The following ABCD3 variants were observed in gnomAD, a reference collection of about 807,000 sequenced individuals.
ABCD3 encodes the protein ATP-binding cassette sub-family D member 3.
ABCD3 carries 41 observed loss-of-function variants against 105.5 expected under a neutral mutation model. The observed-to-expected ratio is 0.39, with a 90% CI of 0.30 to 0.50. ABCD3 has a LOEUF of 0.50. Ranked by LOEUF, ABCD3 falls within the 20% of genes least tolerant of loss-of-function variation. The pLI is 0.84. For synonymous variants in ABCD3, 258 were observed against 269.0 expected (o/e 0.96, Z 0.40); for missense variants, 622 against 806.3 (o/e 0.77, Z 2.77).
chr1:94,393,741 T>A, the ABCD3 span, among the ~76,000 whole-genome samples: 5 of 152,082 alleles, frequency 3.3e-5, no homozygotes, highest in Non-Finnish European at 7.4e-5. Flanking sequence ...TAAGAATAAT[T>A]TAAGTTTCAG....
At chr1:94,516,344 A>G (rs1346592661) in intron 22 of ABCD3, among the ~76,000 whole-genome samples, 3 of 152,004 alleles carry the variant, frequency 2.0e-5, no homozygotes, top group Non-Finnish European at 4.4e-5. Flanking sequence ...AGCTTTTATT[A>G]TTTTATGGCA....
At position 94,473,802 on chromosome 1, in the gene ABCD3, A is replaced by C; in HGVS notation, c.372A>C (p.Arg124Ser). 6.2e-7 allele frequency: 1 copy of C among 1,612,794 alleles called. No homozygotes were observed. Among genetic ancestry groups the C allele is most frequent in the Non-Finnish European group, 8.5e-7 (1 of 1,179,376 alleles). The change falls in exon 5 of 23, where the codon AGA becomes AGC. Residue 124 changes from arginine (R) to serine (S), a missense_variant. By Grantham distance (110) the Arg-to-Ser change is moderately radical. Transcript: ENST00000370214. The part of the protein sequence containing the change: ...IIGRSRKDFK[R>S]YLLNFIAAMP... The stretch of plus-strand genomic sequence containing the variant: ...GTCGTAGCAGGAAAGATTTCAAGAG[A>C]TACTTACTCAACTTCATCGCTGCCA...
chr1:94,453,704 CT>C lies in ABCD3; in HGVS notation c.111-4892del, dbSNP rs548416321. Among the ~76,000 whole-genome samples the C allele has an allele frequency of 3.5e-3, 503 of 142,506 alleles. 1 individual carries two copies. Among genetic ancestry groups the C allele is most frequent in the African/African-American group, 0.01 (396 of 38,966 alleles). 93.5% of individuals were successfully genotyped at this position (142,506 alleles called of 152,430 possible). On this transcript the variant is annotated intron_variant, in intron 1 of 22. Coordinates refer to ENST00000370214, the MANE Select transcript of ABCD3 (RefSeq NM_002858.4). ...AGAGTTGAGATAAGAAGTCTTTTAC[CT>C]TTTTTTTTTTCAAATTTTATCTATT... is the stretch of plus-strand genomic sequence containing the variant.
intron 1 of ABCD3, among the ~76,000 whole-genome samples, chr1:94,456,108 A>G (rs1647544657): frequency 6.6e-6 from 1 of 151,736 alleles, no homozygotes; most frequent in Non-Finnish European, 1.5e-5. Context: ...GCCCCTGACA[A>G]CCACCATTCT....
rs950089324 is a variant in ABCD3 at position 94,458,621 on chromosome 1, A to T, written c.125A>T (p.Lys42Ile). 2 of 1,612,976 alleles carry T rather than the reference A, an allele frequency of 1.2e-6. No homozygotes were observed. The highest frequency in any genetic ancestry group is 1.7e-4 in the Middle Eastern group (1 of 6,056). ...ALGLHGKKSG[K>I]PPLQNNEKEG... ...TTCCTCTGCAGTAAGAAAAGTGGAA[A>T]ACCACCATTACAGAACAATGAGGTA... The change falls in exon 2 of 23, where the codon AAA becomes ATA. Residue 42 changes from lysine (K) to isoleucine (I), a missense_variant. By Grantham distance (102) the Lys-to-Ile change is moderately radical. Around this residue, in one of 4 missense-constraint regions of ABCD3, gnomAD observed 89 missense variants for 77.5 expected, o/e 1.15. Coordinates refer to ENST00000370214, the MANE Select transcript of ABCD3 (RefSeq NM_002858.4).
chr1:94,443,648 A>C (rs1313892294), intron 1 of ABCD3, among the ~76,000 whole-genome samples: 15 of 152,042 alleles, frequency 9.9e-5, no homozygotes, highest in Admixed American at 9.8e-4. Flanking sequence ...ATCCATCTTG[A>C]GTTAATTTTT....
intron 21 of ABCD3, among the ~76,000 whole-genome samples, chr1:94,508,703 T>C (rs1017279549): frequency 6.6e-6 from 1 of 151,674 alleles, no homozygotes; most frequent in Non-Finnish European, 1.5e-5. Flanking sequence ...GAAGAGGTCC[T>C]TCACATCCCT....
At chr1:94,409,033 T>C in the ABCD3 span, among the ~76,000 whole-genome samples, 1 of 152,018 alleles carries the variant, frequency 6.6e-6, no homozygotes, top group Non-Finnish European at 1.5e-5. Context: ...TTAAGGCCTT[T>C]TTTCCTGGGG....
At chr1:94,456,849 A>G (rs764130522) in intron 1 of ABCD3, among the ~76,000 whole-genome samples, 2 of 152,078 alleles carry the variant, frequency 1.3e-5, no homozygotes, top group Non-Finnish European at 2.9e-5. Flanking sequence ...GGTTGTACTA[A>G]TTTATATTCT....
the ABCD3 span, among the ~76,000 whole-genome samples, chr1:94,403,118 A>G: frequency 6.6e-6 from 1 of 151,898 alleles, no homozygotes; most frequent in Admixed American, 6.6e-5. Flanking sequence ...CCATGTCCCT[A>G]CAAAGGACAT....
chr1:94,451,892 G>A (rs966709705), intron 1 of ABCD3, among the ~76,000 whole-genome samples: 4 of 152,180 alleles, frequency 2.6e-5, no homozygotes, highest in Non-Finnish European at 5.9e-5. Context: ...TCTTAAGTTT[G>A]TGGTCTTCTC....
At chr1:94,467,827 A>G (rs1648226731) in intron 3 of ABCD3, 92 bp from the exon 4 acceptor site, 3 of 822,308 alleles carry the variant, frequency 3.6e-6, no homozygotes, top group Non-Finnish European at 6.2e-6. Flanking sequence ...ATAAAGCTTT[A>G]GATTTGGAAA....
At chr1:94,429,432 G>C (rs553397286) in intron 1 of ABCD3, among the ~76,000 whole-genome samples, 1 of 152,298 alleles carries the variant, frequency 6.6e-6, no homozygotes, top group South Asian at 2.1e-4. Flanking sequence ...GCATATCAGA[G>C]ACCTTTGTGG....
At chr1:94,483,867 T>TG (rs1326483675) in intron 10 of ABCD3, among the ~76,000 whole-genome samples, 1 of 152,112 alleles carries the variant, frequency 6.6e-6, no homozygotes, top group Non-Finnish European at 1.5e-5. Flanking sequence ...ACCTACAGAA[T>TG]GGGAGAAATT....
chr1:94,390,166 T>C, the ABCD3 span, among the ~76,000 whole-genome samples: 2 of 152,248 alleles, frequency 1.3e-5, no homozygotes, highest in Non-Finnish European at 2.9e-5. Context: ...GTGGCAGACC[T>C]GATTTAAGCC....
chr1:94,416,789 G>A (rs1659035255), upstream of ABCD3, among the ~76,000 whole-genome samples: 1 of 152,140 alleles, frequency 6.6e-6, no homozygotes, highest in African/African-American at 2.4e-5. Context: ...GACCTGCCTT[G>A]TTTGACTGTA....
the ABCD3 span, among the ~76,000 whole-genome samples, chr1:94,403,223 T>A: frequency 8.5e-5 from 13 of 152,244 alleles, no homozygotes; most frequent in East Asian, 2.5e-3. Context: ...TTCCTCATGA[T>A]GAGATTCATA....
At position 94,487,936 on chromosome 1, in the gene ABCD3, T is replaced by G. The variant is rs762329662; in HGVS notation, c.1110T>G (p.Ala370=). The stretch of plus-strand genomic sequence containing the variant: ...GAATGCTTTTGCGAATGTCTCAAGC[T>G]CTGGGTCGAATAGTTTTGGCTGGGC... The part of the protein sequence containing the change: ...SGRMLLRMSQ[A]LGRIVLAGRE... Residue 370 remains alanine, a synonymous_variant, in exon 13 of 23, where the codon GCT becomes GCG. Transcript: ENST00000370214. 3.7e-6 allele frequency: 6 copies of G among 1,613,874 alleles called. No individual in the cohort carries two copies. Among genetic ancestry groups the G allele is most frequent in the Middle Eastern group, 1.6e-4 (1 of 6,062 alleles).
chr1:94,416,131 T>G (rs907506984), upstream of ABCD3, among the ~76,000 whole-genome samples: 1 of 152,262 alleles, frequency 6.6e-6, no homozygotes. Flanking sequence ...TTTTGACTAA[T>G]CTTGCTTGTA....
Sources: gnomAD v4.1 joint callset for allele counts (sites outside exome capture counted in the v4.1 genomes callset) on GRCh38, gnomAD v4.1.1 for gene constraint, gnomAD v4.1.1 regional missense constraint, MANE v1.5 for transcripts, NCBI Gene and HGNC (gene_info 2026-07-23, HGNC 2026-07-21) for gene names.